The following RAB3GAP1 variants were observed in gnomAD, a reference collection of about 807,000 sequenced individuals.
RAB3GAP1 encodes rab3 GTPase-activating protein catalytic subunit.
In RAB3GAP1, 86 loss-of-function variants were observed where a neutral mutation model predicts 130.7. The observed-to-expected ratio is 0.66, with a 90% CI of 0.55 to 0.79. The LOEUF is 0.79. Among genes scored for constraint, RAB3GAP1 ranks in the 30% least tolerant of loss-of-function variants. The pLI is 0.00. For missense variants in RAB3GAP1, 1,029 were observed against 1,169.4 expected (o/e 0.88, Z 1.75); for synonymous variants, 367 against 401.7 (o/e 0.91, Z 1.03).
At chr2:135,061,833 A>G (rs1462835301) in intron 3 of RAB3GAP1, among the ~76,000 whole-genome samples, 1 of 152,136 alleles carries the variant, frequency 6.6e-6, no homozygotes, top group Non-Finnish European at 1.5e-5. Flanking sequence ...TATGGAGGGA[A>G]GTAGGGATCA....
chr2:135,079,028 C>T lies in RAB3GAP1; in HGVS notation c.151-11970C>T, dbSNP rs533908312. ...GATTACAGGCACACGCCACCATGCC[C>T]GGCTAATTTTTTCTTTATTTTTAGT... is the stretch of plus-strand genomic sequence containing the variant. On this transcript the variant is annotated intron_variant, in intron 3 of 23. Transcript: ENST00000264158. Among the ~76,000 whole-genome samples the T allele has an allele frequency of 4.6e-5, 7 of 152,146 alleles. No homozygotes were observed. In the East Asian group the frequency reaches 5.8e-4, roughly 13 times the overall value.
At chr2:135,149,427 T>C (rs762112101) in intron 17 of RAB3GAP1, among the ~76,000 whole-genome samples, 1 of 152,082 alleles carries the variant, frequency 6.6e-6, no homozygotes, top group Non-Finnish European at 1.5e-5. Context: ...ACAATGAGGG[T>C]TGAGTGATTG....
chr2:135,106,477 A>G (rs888073962), intron 5 of RAB3GAP1, among the ~76,000 whole-genome samples: 14 of 152,228 alleles, frequency 9.2e-5, no homozygotes, highest in Middle Eastern at 3.2e-3. Context: ...GCTCTCTGAA[A>G]CGTGCTGTGT....
intron 5 of RAB3GAP1, among the ~76,000 whole-genome samples, chr2:135,109,163 T>A (rs1291403197): frequency 6.6e-6 from 1 of 152,120 alleles, no homozygotes; most frequent in Non-Finnish European, 1.5e-5. Flanking sequence ...TGAGTCTTTT[T>A]TTGCTTCTGC....
intron 5 of RAB3GAP1, among the ~76,000 whole-genome samples, chr2:135,106,049 T>C (rs1690600711): frequency 1.3e-5 from 2 of 151,842 alleles, no homozygotes; most frequent in South Asian, 2.1e-4. Flanking sequence ...CCGCCCCATC[T>C]GGGAAGTGAG....
At chr2:135,081,773 C>T (rs757159766) in intron 3 of RAB3GAP1, among the ~76,000 whole-genome samples, 5 of 151,836 alleles carry the variant, frequency 3.3e-5, no homozygotes, top group African/African-American at 7.3e-5. Context: ...GATTATAAAC[C>T]GCCTGGGTTC....
chr2:135,053,115 G>T (rs187830911), intron 2 of RAB3GAP1, among the ~76,000 whole-genome samples: 99 of 152,232 alleles, frequency 6.5e-4, no homozygotes, highest in African/African-American at 2.3e-3. Context: ...CTTTAGCCTC[G>T]GGAGGAGCTG....
chr2:135,055,876 G>T (rs1011890035), intron 2 of RAB3GAP1, among the ~76,000 whole-genome samples: 1 of 148,856 alleles, frequency 6.7e-6, no homozygotes, highest in Non-Finnish European at 1.5e-5. Context: ...TCGCTCTGTC[G>T]CCCAGGCTGG....
chr2:135,094,695 C>CT (rs1690241893), intron 5 of RAB3GAP1, among the ~76,000 whole-genome samples: 1 of 152,192 alleles, frequency 6.6e-6, no homozygotes, highest in South Asian at 2.1e-4. Context: ...TGTTTACACA[C>CT]TTAAATGACT....
At chr2:135,117,753 T>TCTGCTTCTTCTG (rs1192228324) in intron 7 of RAB3GAP1, among the ~76,000 whole-genome samples, 2 of 144,076 alleles carry the variant, frequency 1.4e-5, no homozygotes, top group South Asian at 2.2e-4. Context: ...TTCTTCTGCT[T>TCTGCTTCTTCTG]CTGCTTCTTC....
intron 23 of RAB3GAP1, among the ~76,000 whole-genome samples, 199 bp from the exon 24 acceptor site, chr2:135,168,346 G>A (rs1243128787): frequency 3.3e-5 from 5 of 152,160 alleles, no homozygotes; most frequent in African/African-American, 9.7e-5. Context: ...TCTCCAGCCC[G>A]GCTGCTCATG....
At chr2:135,081,478 A>T (rs1158578769) in intron 3 of RAB3GAP1, among the ~76,000 whole-genome samples, 26 of 149,550 alleles carry the variant, frequency 1.7e-4, no homozygotes, top group African/African-American at 6.4e-4. Context: ...TGGTGAGAGG[A>T]AAGTCAGCCT....
At chr2:135,057,965 A>T in intron 2 of RAB3GAP1, 46 bp from the exon 3 acceptor site, 1 of 1,327,830 alleles carries the variant, frequency 7.5e-7, no homozygotes, top group East Asian at 2.3e-5. Context: ...AATAATAGGA[A>T]AAAAGGTGTG....
intron 17 of RAB3GAP1, among the ~76,000 whole-genome samples, chr2:135,141,717 C>G (rs1030915767): frequency 1.3e-5 from 2 of 152,126 alleles, no homozygotes; most frequent in Non-Finnish European, 2.9e-5. Flanking sequence ...TGTGACCCAC[C>G]TCAAATTAAT....
At chr2:135,073,176 G>A (rs1689526168) in intron 3 of RAB3GAP1, among the ~76,000 whole-genome samples, 1 of 152,226 alleles carries the variant, frequency 6.6e-6, no homozygotes, top group South Asian at 2.1e-4. Flanking sequence ...TGAGAGAATG[G>A]TAATTGGTCC....
At chr2:135,074,468 C>G (rs1689566151) in intron 3 of RAB3GAP1, among the ~76,000 whole-genome samples, 1 of 152,202 alleles carries the variant, frequency 6.6e-6, no homozygotes, top group African/African-American at 2.4e-5. Context: ...TGCCAGAAGA[C>G]TGAAAAGGAA....
chr2:135,086,172 A>T (rs1689976801), intron 3 of RAB3GAP1, among the ~76,000 whole-genome samples: 2 of 152,330 alleles, frequency 1.3e-5, no homozygotes, highest in Middle Eastern at 6.8e-3. Flanking sequence ...CTGGATTATT[A>T]TTATCAAAGC....
intron 13 of RAB3GAP1, among the ~76,000 whole-genome samples, chr2:135,131,092 G>A (rs1691523753): frequency 6.6e-6 from 1 of 152,216 alleles, no homozygotes; most frequent in Admixed American, 6.5e-5. Context: ...TTGATATTTT[G>A]TAGGGTGCTT....
intron 3 of RAB3GAP1, among the ~76,000 whole-genome samples, chr2:135,059,554 T>G (rs1287911988): frequency 6.6e-6 from 1 of 152,170 alleles, no homozygotes; most frequent in African/African-American, 2.4e-5. Flanking sequence ...GGGGTACATG[T>G]GATAATTTGA....
Sources: allele counts gnomAD v4.1 joint callset (sites outside exome capture counted in the v4.1 genomes callset), GRCh38; gene constraint gnomAD v4.1.1; transcripts MANE v1.5; gene names NCBI Gene and HGNC (gene_info 2026-07-23, HGNC 2026-07-21).